PARD3: variants seen among roughly 807,000 people sequenced by gnomAD.
PARD3 encodes par-3 family cell polarity regulator.
In PARD3, 75 loss-of-function variants were observed where a neutral mutation model predicts 155.4. That is an observed-to-expected ratio of 0.48 (90% CI 0.40 to 0.58). The LOEUF (loss-of-function observed/expected upper bound fraction) is 0.58. Ranked by LOEUF, PARD3 falls within the 20% of genes least tolerant of loss-of-function variation. The probability of loss-of-function intolerance (pLI) is 0.00; values close to 1 mark genes in which losing one functional copy is unlikely to be tolerated. For synonymous variants in PARD3, 576 were observed against 610.5 expected (o/e 0.94, Z 0.83); for missense variants, 1,642 against 1,721.7 (o/e 0.95, Z 0.82).
chr10:34,117,792 C>A (rs1477712590), intron 24 of PARD3, among the ~76,000 whole-genome samples: 1 of 152,110 alleles, frequency 6.6e-6, no homozygotes, highest in African/African-American at 2.4e-5. Context: ...ACGCCTGTAA[C>A]CCCAGCTATT....
Position 34,341,757 on chromosome 10 carries a change from C to T in PARD3, c.2278G>A (p.Asp760Asn). The stretch of plus-strand genomic sequence containing the variant: ...GGAGGAAGCACTGGCAACCTGTCAT[C>T]TTCTATAATGACAGTGTCATCTTGG... ...MPQDDTVIIEDDRLPVLPPHL... is the reference protein window; with the variant it reads ...MPQDDTVIIENDRLPVLPPHL... The change falls in exon 16 of 25, where the codon GAT (aspartate) becomes AAT (asparagine). Residue 760 changes from aspartate to asparagine, a missense_variant. By Grantham distance (23) the Asp-to-Asn change is conservative. Around this residue, in one of 3 missense-constraint regions of PARD3, gnomAD observed 1,529 missense variants for 1,587.3 expected, o/e 0.96. Transcript: ENST00000374788. 1 of 1,611,632 alleles carries T rather than the reference C, an allele frequency of 6.2e-7. No individual in the cohort carries two copies. Among genetic ancestry groups the T allele is most frequent in the Non-Finnish European group, 8.5e-7 (1 of 1,177,766 alleles).
intron 1 of PARD3, among the ~76,000 whole-genome samples, chr10:34,787,974 G>A (rs572371969): frequency 2.0e-5 from 3 of 148,990 alleles, no homozygotes; most frequent in South Asian, 2.1e-4. Flanking sequence ...TGTAGAGACA[G>A]GGTCTTGTTA....
At chr10:34,425,299 G>A (rs756134157) in intron 5 of PARD3, among the ~76,000 whole-genome samples, 30 of 151,984 alleles carry the variant, frequency 2.0e-4, no homozygotes, top group Non-Finnish European at 5.9e-5. Flanking sequence ...GCCTCTTAAC[G>A]TTATACATTT....
chr10:34,426,567 T>G (rs1160796090), intron 5 of PARD3: 1 of 152,204 alleles, frequency 6.6e-6, no homozygotes, highest in Non-Finnish European at 1.5e-5. Context: ...CATGATTATT[T>G]CAAAAAATTT....
At chr10:34,322,900 A>C (rs1958464151) in intron 19 of PARD3, among the ~76,000 whole-genome samples, 1 of 152,228 alleles carries the variant, frequency 6.6e-6, no homozygotes, top group African/African-American at 2.4e-5. Context: ...TTTATATTGA[A>C]AGATAAAGGA....
In PARD3 at chr10:34,375,015, A is replaced by G. The variant is rs1287132915; in HGVS notation, c.1540-13T>C. ...CTACTCCATTTACCTAAAACAAAAC[A>G]AAAGTTTTCAGCTGTAATCCTGTGG... On this transcript the variant is annotated splice_polypyrimidine_tract_variant and intron_variant, in intron 10 of 24. Transcript: ENST00000374788. 3.1e-6 allele frequency: 5 copies of G among 1,610,682 alleles called. No homozygotes were observed. The highest frequency in any genetic ancestry group is 2.5e-6 in the Non-Finnish European group (3 of 1,178,118).
intron 2 of PARD3, among the ~76,000 whole-genome samples, chr10:34,682,507 A>C (rs2093862075): frequency 6.6e-6 from 1 of 152,150 alleles, no homozygotes; most frequent in African/African-American, 2.4e-5. Flanking sequence ...TACCTACAGA[A>C]ACTCATTTCA....
chr10:34,266,894 T>C (rs911217531), intron 22 of PARD3, among the ~76,000 whole-genome samples: 11 of 152,120 alleles, frequency 7.2e-5, no homozygotes, highest in East Asian at 1.9e-4. Context: ...ATTTAGACTC[T>C]TGTAGGGCAC....
At chr10:34,166,376 G>T (rs557385348) in intron 22 of PARD3, among the ~76,000 whole-genome samples, 15 of 152,206 alleles carry the variant, frequency 9.9e-5, no homozygotes, top group Admixed American at 4.6e-4. Flanking sequence ...TCTATGGGAA[G>T]CCAAGGCAAG....
chr10:34,417,809 T>C (rs763533718), intron 5 of PARD3, among the ~76,000 whole-genome samples: 5 of 152,190 alleles, frequency 3.3e-5, no homozygotes, highest in Admixed American at 2.0e-4. Flanking sequence ...AAATTACCAA[T>C]GTGATTTTAT....
chr10:34,492,464 A>T (rs987374983), intron 3 of PARD3, among the ~76,000 whole-genome samples: 7 of 152,320 alleles, frequency 4.6e-5, no homozygotes, highest in African/African-American at 1.7e-4. Flanking sequence ...ACAGCTTTTG[A>T]TTTTTGGAAA....
At chr10:34,160,722 T>C (rs1949233815) in intron 22 of PARD3, among the ~76,000 whole-genome samples, 1 of 152,110 alleles carries the variant, frequency 6.6e-6, no homozygotes, top group South Asian at 2.1e-4. Flanking sequence ...ATGGTGCACA[T>C]CCCCAGACTT....
intron 2 of PARD3, among the ~76,000 whole-genome samples, chr10:34,642,945 T>C (rs2092724940): frequency 1.3e-5 from 2 of 152,142 alleles, no homozygotes; most frequent in African/African-American, 4.8e-5. Context: ...TGGGAAACCT[T>C]CATATGCCCA....
intron 3 of PARD3, among the ~76,000 whole-genome samples, chr10:34,484,285 A>T (rs2079290051): frequency 6.6e-6 from 1 of 152,230 alleles, no homozygotes; most frequent in South Asian, 2.1e-4. Context: ...AGGAGCTACA[A>T]ATAAATTTTA....
chr10:34,768,846 G>T (rs1838467939), intron 1 of PARD3, among the ~76,000 whole-genome samples: 1 of 152,178 alleles, frequency 6.6e-6, no homozygotes, highest in South Asian at 2.1e-4. Flanking sequence ...GCGCACTCAG[G>T]GTGCGGCTCC....
At chr10:34,223,882 C>G (rs530933608) in intron 22 of PARD3, among the ~76,000 whole-genome samples, 3 of 152,228 alleles carry the variant, frequency 2.0e-5, no homozygotes, top group East Asian at 1.9e-4. Context: ...CAAGGACACA[C>G]AGCCAGCAGG....
chr10:34,340,252 C>T (rs944542967), intron 16 of PARD3, among the ~76,000 whole-genome samples: 1 of 152,166 alleles, frequency 6.6e-6, no homozygotes, highest in Non-Finnish European at 1.5e-5. Context: ...ACTATGACCA[C>T]CTCCACAATT....
At chr10:34,539,680 C>G (rs2083467483) in intron 2 of PARD3, among the ~76,000 whole-genome samples, 1 of 152,112 alleles carries the variant, frequency 6.6e-6, no homozygotes, top group Admixed American at 6.6e-5. Context: ...GTAAAACTTC[C>G]TATCATCTGT....
intron 3 of PARD3, among the ~76,000 whole-genome samples, chr10:34,511,655 T>C (rs574706879): frequency 1.4e-5 from 2 of 144,598 alleles, no homozygotes; most frequent in African/African-American, 4.8e-5. Context: ...AATACATATA[T>C]ACAAAGTGAT....
Sources: gnomAD v4.1 joint callset for allele counts (sites outside exome capture counted in the v4.1 genomes callset) on GRCh38, gnomAD v4.1.1 for gene constraint, gnomAD v4.1.1 regional missense constraint, MANE v1.5 for transcripts, NCBI Gene and HGNC (gene_info 2026-07-23, HGNC 2026-07-21) for gene names.